The following XIRP2 variants were observed in gnomAD, a reference collection of about 807,000 sequenced individuals.
XIRP2 encodes the protein xin actin-binding repeat-containing protein 2.
In XIRP2, 236 loss-of-function variants were observed where a neutral mutation model predicts 277.0. The observed-to-expected ratio is 0.85, with a 90% CI of 0.77 to 0.95. The LOEUF (loss-of-function observed/expected upper bound fraction) is 0.95. Among genes scored for constraint, XIRP2 ranks in the 40% least tolerant of loss-of-function variants. XIRP2 has a pLI of 0.00. For synonymous variants in XIRP2, 1,490 were observed against 1,416.5 expected (o/e 1.05, Z -1.17); for missense variants, 4,640 against 4,157.5 (o/e 1.12, Z -3.19).
chr2:166,974,278 G>A (rs1387581736), intron 2 of XIRP2, among the ~76,000 whole-genome samples: 1 of 151,880 alleles, frequency 6.6e-6, no homozygotes, highest in Admixed American at 6.6e-5. Flanking sequence ...AATAATGAAG[G>A]AAATCCTTCA....
intron 5 of XIRP2, among the ~76,000 whole-genome samples, chr2:167,221,569 A>C (rs969111173): frequency 6.6e-6 from 1 of 151,884 alleles, no homozygotes; most frequent in Non-Finnish European, 1.5e-5. Context: ...AAATTTGGCT[A>C]TAGCAGGGAA....
intron 2 of XIRP2, among the ~76,000 whole-genome samples, chr2:167,114,985 G>T (rs890576499): frequency 3.3e-5 from 5 of 152,106 alleles, no homozygotes; most frequent in Admixed American, 6.6e-5. Context: ...GGGTCAAATG[G>T]TATTTCTAGT....
rs1214199675 is a variant in XIRP2, at chr2:167,060,661, T to C, written c.409-75248T>C. 5.3e-5 allele frequency among the ~76,000 whole-genome samples: 8 copies of C among 152,170 alleles called. No individual in the cohort carries two copies. The South Asian group carries it at 1.2e-3, about 24-fold the overall frequency. On this transcript the variant is annotated intron_variant, in intron 2 of 10. Coordinates refer to ENST00000409195, the MANE Select transcript of XIRP2 (RefSeq NM_152381.6). ...TATTGATCATCTATGTTTGGATCCATTACTGGAATTTATTGATCATATATG... is the reference window on the plus strand; with the variant it reads ...TATTGATCATCTATGTTTGGATCCACTACTGGAATTTATTGATCATATATG...
chr2:167,187,178 G>T, intron 3 of XIRP2: 1 of 915,348 alleles, frequency 1.1e-6, no homozygotes, highest in Non-Finnish European at 1.3e-6. Flanking sequence ...GAGTTTGATT[G>T]ACTGCACATG....
chr2:167,047,597 A>G (rs1688815592), intron 2 of XIRP2, among the ~76,000 whole-genome samples: 1 of 152,024 alleles, frequency 6.6e-6, no homozygotes, highest in Non-Finnish European at 1.5e-5. Context: ...GTTCCTAAGT[A>G]ACGAAACTTT....
At chr2:167,120,872 C>A (rs1283129853) in intron 2 of XIRP2, among the ~76,000 whole-genome samples, 1 of 152,158 alleles carries the variant, frequency 6.6e-6, no homozygotes, top group South Asian at 2.1e-4. Flanking sequence ...TCTCTGAAGT[C>A]TCTCTTTGAA....
intron 2 of XIRP2, among the ~76,000 whole-genome samples, chr2:167,099,567 C>A (rs1020682266): frequency 1.2e-4 from 19 of 152,004 alleles, no homozygotes; most frequent in Admixed American, 2.0e-4. Context: ...TGAAAAAAAA[C>A]CACAGCTAGC....
intron 3 of XIRP2, among the ~76,000 whole-genome samples, chr2:167,154,582 G>C (rs1692125929): frequency 6.6e-6 from 1 of 151,956 alleles, no homozygotes; most frequent in South Asian, 2.1e-4. Context: ...ATTAATTTTT[G>C]TATAAAGTGT....
chr2:167,174,242 C>G (rs1489882066), intron 3 of XIRP2, among the ~76,000 whole-genome samples: 1 of 152,062 alleles, frequency 6.6e-6, no homozygotes, highest in African/African-American at 2.4e-5. Flanking sequence ...TCTGTCTGGT[C>G]CTGGGCTTGT....
intron 2 of XIRP2, among the ~76,000 whole-genome samples, chr2:167,044,755 C>T (rs1370787377): frequency 6.6e-6 from 1 of 151,892 alleles, no homozygotes; most frequent in African/African-American, 2.4e-5. Flanking sequence ...TCAGAGATTA[C>T]ACAAACAAAT....
chr2:166,936,437 T>G (rs1413412482), intron 2 of XIRP2, among the ~76,000 whole-genome samples: 1 of 152,242 alleles, frequency 6.6e-6, no homozygotes. Context: ...TTTGTCAATT[T>G]TGGCTTTTGT....
At chr2:167,068,112 A>G (rs1689343743) in intron 2 of XIRP2, among the ~76,000 whole-genome samples, 2 of 152,110 alleles carry the variant, frequency 1.3e-5, no homozygotes, top group African/African-American at 4.8e-5. Flanking sequence ...TTTATTTGCA[A>G]TTGAATTTGC....
chr2:167,005,380 G>C (rs1293553298), intron 2 of XIRP2, among the ~76,000 whole-genome samples: 3 of 151,806 alleles, frequency 2.0e-5, no homozygotes, highest in Admixed American at 6.6e-5. Flanking sequence ...CCAGCTGGAG[G>C]GAACCTTCTA....
intron 2 of XIRP2, among the ~76,000 whole-genome samples, chr2:167,093,550 G>A (rs1048179464): frequency 1.1e-4 from 16 of 152,166 alleles, no homozygotes; most frequent in Admixed American, 2.6e-4. Flanking sequence ...TCCCACTTAG[G>A]AGTGAGAACA....
chr2:167,012,758 C>T (rs1263712610), intron 2 of XIRP2, among the ~76,000 whole-genome samples: 1 of 151,534 alleles, frequency 6.6e-6, no homozygotes, highest in African/African-American at 2.4e-5. Context: ...TTTAGAGATT[C>T]AGACTAAGAG....
At chr2:167,225,556 CT>C (rs1412016207) in intron 5 of XIRP2, among the ~76,000 whole-genome samples, 1 of 151,840 alleles carries the variant, frequency 6.6e-6, no homozygotes, top group Admixed American at 6.6e-5. Context: ...AGAACTGTTG[CT>C]TTTTTTTCGA....
intron 3 of XIRP2, among the ~76,000 whole-genome samples, chr2:167,146,026 G>T (rs1691855153): frequency 6.6e-6 from 1 of 151,106 alleles, no homozygotes; most frequent in Non-Finnish European, 1.5e-5. Flanking sequence ...AGTGTATCAT[G>T]AAAAATAAAA....
At chr2:167,117,638 A>C (rs1690932129) in intron 2 of XIRP2, among the ~76,000 whole-genome samples, 1 of 152,204 alleles carries the variant, frequency 6.6e-6, no homozygotes, top group African/African-American at 2.4e-5. Flanking sequence ...AGTCTAATCT[A>C]CACCCAGCTG....
chr2:167,246,410 T>C lies in XIRP2; in HGVS notation c.5018T>C (p.Val1673Ala), dbSNP rs1167289920. The C allele has an allele frequency of 6.2e-7, 1 of 1,613,552 alleles. No homozygotes were observed. Among genetic ancestry groups the C allele is most frequent in the Admixed American group, 1.7e-5 (1 of 59,958 alleles). The change falls in exon 9 of 11, where the codon GTA (valine) becomes GCA (alanine). Residue 1673 changes from valine (V) to alanine (A), a missense_variant. Transcript: ENST00000409195. Reference sequence around the variant, plus strand: ...AACCTGTTCTCTGAGGAAAGATCTGTAAAGAAAGGCATCTTAATTCAGGAA... The same window carrying C: ...AACCTGTTCTCTGAGGAAAGATCTGCAAAGAAAGGCATCTTAATTCAGGAA... The part of the protein sequence containing the change: ...IKNLFSEERS[V>A]KKGILIQEDE...
Sources: allele counts gnomAD v4.1 joint callset (sites outside exome capture counted in the v4.1 genomes callset), GRCh38; gene constraint gnomAD v4.1.1; transcripts MANE v1.5; gene names NCBI Gene and HGNC (gene_info 2026-07-23, HGNC 2026-07-21).